GC: variants seen among roughly 807,000 people sequenced by gnomAD.
GC encodes the protein vitamin D-binding protein.
In GC, 43 loss-of-function variants were observed where a neutral mutation model predicts 56.7. That is an observed-to-expected ratio of 0.76 (90% CI 0.59 to 0.98). The LOEUF (loss-of-function observed/expected upper bound fraction) is 0.98, where lower values mean the gene tolerates loss of function less well. Ranked by LOEUF, GC falls within the 50% of genes least tolerant of loss-of-function variation. The pLI is 0.00. For synonymous variants in GC, 216 were observed against 202.7 expected (o/e 1.07, Z -0.56); for missense variants, 529 against 545.9 (o/e 0.97, Z 0.31).
At position 71,765,716 on chromosome 4, in the gene GC, A is replaced by G. The variant is rs1006836966; in HGVS notation, c.262-73T>C. ...GGCTTTTAGACTTCCATTTAATATA[A>G]TATCTTAGCCTATAATTAGAAAATT... On this transcript the variant is annotated intron_variant, in intron 3 of 12. Transcript: ENST00000273951. 4.5e-6 allele frequency: 4 copies of G among 897,026 alleles called. No homozygotes were observed. The African/African-American group carries it at 6.8e-5, about 15-fold the overall frequency. 55.6% of individuals were successfully genotyped at this position (897,026 alleles called of 1,614,324 possible).
chr4:71,768,473 A>AT, intron 2 of GC, 40 bp from the exon 3 acceptor site: 1 of 1,565,610 alleles, frequency 6.4e-7, no homozygotes, highest in Non-Finnish European at 8.7e-7. Context: ...TAGAACTGAA[A>AT]GGTTTTTTTT....
chr4:71,789,250 GATGTCCCCAA>G (rs1173457266), intron 1 of GC, among the ~76,000 whole-genome samples: 2 of 151,854 alleles, frequency 1.3e-5, no homozygotes, highest in Non-Finnish European at 2.9e-5. Context: ...CACCCTGATA[GATGTCCCCAA>G]ATGTACATAT....
At chr4:71,756,367 A>G (rs535737675) in intron 8 of GC, among the ~76,000 whole-genome samples, 1 of 152,344 alleles carries the variant, frequency 6.6e-6, no homozygotes, top group African/African-American at 2.4e-5. Flanking sequence ...GTGCTAAGTA[A>G]GGCAAGAGTT....
chr4:71,745,519 G>T (rs780364855), intron 12 of GC, among the ~76,000 whole-genome samples: 5 of 152,140 alleles, frequency 3.3e-5, no homozygotes, highest in Admixed American at 6.6e-5. Context: ...AAACAAGTTT[G>T]CATCAAAAGT....
At chr4:71,742,713 G>A (rs900371271) in intron 12 of GC, among the ~76,000 whole-genome samples, 12 of 152,198 alleles carry the variant, frequency 7.9e-5, no homozygotes, top group Non-Finnish European at 1.3e-4. Flanking sequence ...GGTGGCTCAC[G>A]CCTGTAATCC....
chr4:71,786,783 T>TGCTG (rs915069032), upstream of GC, among the ~76,000 whole-genome samples: 2 of 151,872 alleles, frequency 1.3e-5, no homozygotes, highest in African/African-American at 4.8e-5. Flanking sequence ...CTTCCTTTAA[T>TGCTG]GCTGCGACAG....
Position 71,769,411 on chromosome 4 carries a change from G to A in GC, c.59-11C>T, listed in dbSNP as rs765028124. On this transcript the variant is annotated splice_polypyrimidine_tract_variant and intron_variant, in intron 1 of 12. Coordinates refer to ENST00000273951, the MANE Select transcript of GC (RefSeq NM_000583.4). Reference sequence around the variant, plus strand: ...TTTCATAATCCCGGCCTAGGAGGCAGAAATAGAAAAATTTGTATGTGTCCC... The same window carrying A: ...TTTCATAATCCCGGCCTAGGAGGCAAAAATAGAAAAATTTGTATGTGTCCC... 1 of 1,599,242 alleles carries A rather than the reference G, an allele frequency of 6.3e-7. No individual in the cohort carries two copies. The highest frequency in any genetic ancestry group is 8.6e-7 in the Non-Finnish European group (1 of 1,167,226).
chr4:71,782,454 A>T (rs1441649297), intron 1 of GC, among the ~76,000 whole-genome samples: 1 of 151,814 alleles, frequency 6.6e-6, no homozygotes, highest in Admixed American at 6.6e-5. Context: ...ATGTCTCAAG[A>T]TATCATCTGG....
At chr4:71,769,476 G>T in intron 1 of GC, 76 bp from the exon 2 acceptor site, 1 of 929,258 alleles carries the variant, frequency 1.1e-6, no homozygotes, top group Non-Finnish European at 1.7e-6. Flanking sequence ...TGTATAAAGT[G>T]ATCTTCCACG....
At chr4:71,762,893 T>C (rs1170174454) in intron 6 of GC, among the ~76,000 whole-genome samples, 1 of 152,186 alleles carries the variant, frequency 6.6e-6, no homozygotes, top group Admixed American at 6.5e-5. Context: ...GTTTCGGGTA[T>C]GTCTTTATCA....
chr4:71,745,766 T>A (rs1356506196), intron 12 of GC, among the ~76,000 whole-genome samples: 1 of 152,192 alleles, frequency 6.6e-6, no homozygotes, highest in African/African-American at 2.4e-5. Flanking sequence ...AATAAGAATG[T>A]CCCTTTCCTC....
At chr4:71,792,028 G>A (rs907729235) in intron 1 of GC, among the ~76,000 whole-genome samples, 2 of 152,174 alleles carry the variant, frequency 1.3e-5, no homozygotes, top group Admixed American at 6.5e-5. Context: ...GTATTCCATG[G>A]TGTATGTGTG....
intron 11 of GC, among the ~76,000 whole-genome samples, chr4:71,749,627 T>C (rs955743192): frequency 6.6e-6 from 1 of 152,184 alleles, no homozygotes; most frequent in Non-Finnish European, 1.5e-5. Context: ...AAATTGGAAC[T>C]AAATTTAGAT....
At chr4:71,771,816 T>G (rs147579142) in intron 1 of GC, among the ~76,000 whole-genome samples, 42 of 152,264 alleles carry the variant, frequency 2.8e-4, no homozygotes, top group African/African-American at 9.6e-4. Flanking sequence ...TTAATGGTAT[T>G]TTATGGAATT....
chr4:71,769,227 G>T, intron 2 of GC, 104 bp downstream of exon 2: 1 of 808,858 alleles, frequency 1.2e-6, no homozygotes, highest in Non-Finnish European at 2.0e-6. Context: ...TCTTACTCTT[G>T]GCAAGGATTA....
intron 12 of GC, among the ~76,000 whole-genome samples, chr4:71,745,234 A>G (rs1741327093): frequency 6.6e-6 from 1 of 152,200 alleles, no homozygotes; most frequent in African/African-American, 2.4e-5. Flanking sequence ...AGATAGTTAG[A>G]GTGGGGATTC....
At chr4:71,799,115 A>G (rs1208103252) in intron 1 of GC, among the ~76,000 whole-genome samples, 1 of 152,120 alleles carries the variant, frequency 6.6e-6, no homozygotes, top group African/African-American at 2.4e-5. Context: ...CTATAGTGAA[A>G]TGGGTGAAAA....
intron 1 of GC, chr4:71,803,882 G>A (rs1403794089): frequency 8.8e-7 from 1 of 1,131,044 alleles, no homozygotes; most frequent in Non-Finnish European, 1.3e-6. Context: ...AGCTCAGAGA[G>A]TACCAATGGT....
intron 1 of GC, among the ~76,000 whole-genome samples, chr4:71,778,882 T>C (rs1742584942): frequency 1.5e-5 from 1 of 66,868 alleles, no homozygotes; most frequent in South Asian, 6.5e-4. Context: ...AAACAGAATA[T>C]TGCTGTCAGT....
Sources: gnomAD v4.1 joint callset for allele counts (sites outside exome capture counted in the v4.1 genomes callset) on GRCh38, gnomAD v4.1.1 for gene constraint, MANE v1.5 for transcripts, NCBI Gene and HGNC (gene_info 2026-07-23, HGNC 2026-07-21) for gene names.